The following TSPAN12 variants were observed in gnomAD, a reference collection of about 807,000 sequenced individuals.
TSPAN12 encodes tetraspanin-12.
A neutral mutation model predicts 39.2 loss-of-function variants in TSPAN12; 19 were observed. The ratio of observed to expected loss-of-function variants is 0.49; its 90% CI spans 0.34 to 0.71. The LOEUF (loss-of-function observed/expected upper bound fraction) is 0.71. TSPAN12 is among the 30% of genes least tolerant of loss of function. TSPAN12 has a pLI of 0.01. For synonymous variants in TSPAN12, 119 were observed against 124.8 expected, an observed-to-expected ratio of 0.95 and a Z score of 0.31; for missense variants, 314 against 359.9, an observed-to-expected ratio of 0.87 and a Z score of 1.03.
chr7:120,790,099 C>G (rs188210851), intron 7 of TSPAN12, among the ~76,000 whole-genome samples: 1 of 152,152 alleles, frequency 6.6e-6, no homozygotes, highest in East Asian at 1.9e-4. Flanking sequence ...ACCGGAAAAC[C>G]CACTCGGGAA....
chr7:120,820,622 C>T (rs954674801), intron 4 of TSPAN12, among the ~76,000 whole-genome samples: 1 of 152,120 alleles, frequency 6.6e-6, no homozygotes, highest in South Asian at 2.1e-4. Context: ...TTATAAACCA[C>T]TTGGCTGTCC....
intron 5 of TSPAN12, among the ~76,000 whole-genome samples, chr7:120,811,470 C>T (rs972676364): frequency 6.6e-6 from 1 of 151,960 alleles, no homozygotes; most frequent in East Asian, 1.9e-4. Flanking sequence ...AGATCGAGAC[C>T]ATCCTGGCTA....
intron 7 of TSPAN12, among the ~76,000 whole-genome samples, chr7:120,793,743 A>C (rs2116295609): frequency 6.6e-6 from 1 of 152,374 alleles, no homozygotes; most frequent in Non-Finnish European, 1.5e-5. Flanking sequence ...AAAATATGCC[A>C]ACTTGCAATA....
At chr7:120,821,047 A>G (rs1446346768) in intron 4 of TSPAN12, among the ~76,000 whole-genome samples, 1 of 152,048 alleles carries the variant, frequency 6.6e-6, no homozygotes, top group Non-Finnish European at 1.5e-5. Flanking sequence ...AACATTTTAA[A>G]TGAATGAAGA....
intron 4 of TSPAN12, among the ~76,000 whole-genome samples, chr7:120,822,894 T>G (rs928618606): frequency 2.6e-5 from 4 of 152,160 alleles, no homozygotes; most frequent in Non-Finnish European, 4.4e-5. Flanking sequence ...ATACCTTTCC[T>G]ACAAAGGTTC....
chr7:120,838,039 C>T (rs1010103567), intron 4 of TSPAN12, among the ~76,000 whole-genome samples: 2 of 152,118 alleles, frequency 1.3e-5, no homozygotes, highest in Non-Finnish European at 2.9e-5. Flanking sequence ...ATAAAAAAAG[C>T]GTATACTCAA....
intron 5 of TSPAN12, among the ~76,000 whole-genome samples, chr7:120,814,662 G>C (rs1171742044): frequency 6.6e-6 from 1 of 152,214 alleles, no homozygotes; most frequent in East Asian, 1.9e-4. Flanking sequence ...ATAATACCCA[G>C]TGAGTGCAAG....
intron 4 of TSPAN12, among the ~76,000 whole-genome samples, chr7:120,829,865 G>A (rs896493634): frequency 6.6e-6 from 1 of 152,032 alleles, no homozygotes; most frequent in African/African-American, 2.4e-5. Flanking sequence ...CGGTGACATA[G>A]TACACCATAC....
rs752697203 is a variant in TSPAN12 at position 120,828,655 on chromosome 7, C to CTT, written c.285+10120_285+10121dup. 3.7e-3 allele frequency among the ~76,000 whole-genome samples: 466 copies of CTT among 125,454 alleles called. 9 individuals carry two copies. The highest frequency in any genetic ancestry group is 0.034 in the East Asian group (135 of 3,940). The allele number at this position is 125,454 out of a possible 152,430, so 82.3% of individuals were successfully genotyped here. Reference sequence around the variant, plus strand: ...GTTCCTTAGTGTTTTTTTCTTTCTCCTTTTTTTTTTTTTTTTTTTTTTACA... The same window carrying CTT: ...GTTCCTTAGTGTTTTTTTCTTTCTCCTTTTTTTTTTTTTTTTTTTTTTTTACA... On this transcript the variant is annotated intron_variant, in intron 4 of 7. Transcript: ENST00000222747.
chr7:120,842,204 G>T (rs959294607), intron 2 of TSPAN12, among the ~76,000 whole-genome samples: 5 of 152,106 alleles, frequency 3.3e-5, no homozygotes, highest in African/African-American at 1.2e-4. Context: ...AAGCTCCAAG[G>T]TAAACAGACT....
In TSPAN12 at chr7:120,815,785, CA is replaced by C; in HGVS notation, c.303del (p.Val102SerfsTer5). 2 of 1,612,890 alleles carry C rather than the reference CA, an allele frequency of 1.2e-6. No homozygotes were observed. Among genetic ancestry groups the C allele is most frequent in the Non-Finnish European group, 1.7e-6 (2 of 1,179,580 alleles). ...CAAGCCAGTTCTACACAGAAAATGA[CA>C]AGCAAACTTCCAAAGTACTGTAGAA... Reference protein sequence around the residue: ...LLLAWYFGSLLVIFCVELACG... With the variant: ...LLLAWYFGSLXVIFCVELACG... On this transcript the variant is annotated frameshift_variant, in exon 5 of 8. Transcript: ENST00000222747. LOFTEE classifies it high-confidence loss of function.
intron 6 of TSPAN12, among the ~76,000 whole-genome samples, chr7:120,809,942 C>A (rs556310554): frequency 6.6e-6 from 1 of 152,144 alleles, no homozygotes; most frequent in South Asian, 2.1e-4. Flanking sequence ...GGTGAGAAAA[C>A]CAGGACTTAA....
intron 7 of TSPAN12, among the ~76,000 whole-genome samples, chr7:120,805,990 T>C (rs1193253038): frequency 6.6e-6 from 1 of 152,000 alleles, no homozygotes; most frequent in African/African-American, 2.4e-5. Flanking sequence ...AAAACACAAG[T>C]ATGTAAATTT....
chr7:120,824,903 A>C (rs1034736957), intron 4 of TSPAN12, among the ~76,000 whole-genome samples: 3 of 152,200 alleles, frequency 2.0e-5, no homozygotes, highest in Admixed American at 2.0e-4. Context: ...AGATACTTTC[A>C]ATTACTAAGA....
At chr7:120,810,772 T>C (rs951972632) in intron 5 of TSPAN12, among the ~76,000 whole-genome samples, 4 of 152,222 alleles carry the variant, frequency 2.6e-5, no homozygotes, top group African/African-American at 9.6e-5. Context: ...AATCTCAATG[T>C]ATAGATTTTT....
chr7:120,821,530 T>C (rs973697100), intron 4 of TSPAN12, among the ~76,000 whole-genome samples: 1 of 152,150 alleles, frequency 6.6e-6, no homozygotes, highest in African/African-American at 2.4e-5. Context: ...TTGGCTAGTC[T>C]TGGGCAAACC....
Position 120,788,414 on chromosome 7 carries a change from G to C in TSPAN12, c.*178C>G. Reference sequence around the variant, plus strand: ...TAAGGGCATCAATTATTGTCCAGGTGGTGACTTATGACATGAAACTTTTCC... The same window carrying C: ...TAAGGGCATCAATTATTGTCCAGGTCGTGACTTATGACATGAAACTTTTCC... On this transcript the variant is annotated 3_prime_UTR_variant, in exon 8 of 8. Transcript: ENST00000222747. 1 of 703,078 alleles carries C rather than the reference G, an allele frequency of 1.4e-6. No homozygotes were observed. The highest frequency in any genetic ancestry group is 2.4e-6 in the Non-Finnish European group (1 of 424,610). 43.6% of individuals were successfully genotyped at this position (703,078 alleles called of 1,614,324 possible).
intron 7 of TSPAN12, among the ~76,000 whole-genome samples, chr7:120,801,938 AT>A (rs1299387580): frequency 2.0e-5 from 3 of 152,154 alleles, no homozygotes; most frequent in African/African-American, 7.2e-5. Flanking sequence ...TTGCAGTATC[AT>A]TTTTTCCTTG....
At chr7:120,816,823 C>G (rs73221211) in intron 4 of TSPAN12, among the ~76,000 whole-genome samples, 1 of 152,064 alleles carries the variant, frequency 6.6e-6, no homozygotes, top group Non-Finnish European at 1.5e-5. Flanking sequence ...GGTGAAGATG[C>G]CTTAGAAGGC....
Sources: allele counts gnomAD v4.1 joint callset (sites outside exome capture counted in the v4.1 genomes callset), GRCh38; gene constraint gnomAD v4.1.1; transcripts MANE v1.5; gene names NCBI Gene and HGNC (gene_info 2026-07-23, HGNC 2026-07-21).